VPS50: variants seen among roughly 807,000 people sequenced by gnomAD.
The protein encoded by VPS50 is syndetin.
Under a neutral mutation model 139.7 loss-of-function variants are expected in VPS50, and 70 were observed. The observed-to-expected ratio is 0.50, with a 90% CI of 0.41 to 0.61. The LOEUF is 0.61. Ranked by LOEUF, VPS50 falls within the 20% of genes least tolerant of loss-of-function variation. The pLI, the probability that VPS50 is intolerant of heterozygous loss-of-function variation, is 0.00. For missense variants in VPS50, 921 were observed against 1,133.7 expected (o/e 0.81, Z 2.69); for synonymous variants, 365 against 376.7 (o/e 0.97, Z 0.36).
intron 9 of VPS50, among the ~76,000 whole-genome samples, chr7:93,263,857 AACAAAAATAACAATACAAC>A (rs1316036564): frequency 6.6e-6 from 1 of 152,224 alleles, no homozygotes; most frequent in East Asian, 1.9e-4. Context: ...AAAAAACAGC[AACAAAAATAACAATACAAC>A]ACAAAAATCA....
intron 21 of VPS50, among the ~76,000 whole-genome samples, chr7:93,330,761 C>CAAAAAA (rs57338525): frequency 1.7e-4 from 14 of 83,670 alleles, no homozygotes; most frequent in African/African-American, 5.7e-4. Context: ...GACCCTGTCT[C>CAAAAAA]AAAAAAAAAA....
intron 9 of VPS50, among the ~76,000 whole-genome samples, chr7:93,268,849 T>C (rs1321204445): frequency 1.3e-5 from 2 of 152,152 alleles, no homozygotes; most frequent in Non-Finnish European, 2.9e-5. Context: ...TATAACAGAA[T>C]GATTTATATT....
chr7:93,268,696 A>G (rs1434923341), intron 9 of VPS50, among the ~76,000 whole-genome samples: 2 of 152,146 alleles, frequency 1.3e-5, no homozygotes, highest in African/African-American at 4.8e-5. Context: ...AATGGTGTAT[A>G]TGTACCACAT....
At chr7:93,357,384 CTCTTT>C (rs1798736689) in intron 27 of VPS50, among the ~76,000 whole-genome samples, 1 of 152,024 alleles carries the variant, frequency 6.6e-6, no homozygotes, top group South Asian at 2.1e-4. Context: ...GCAGCAGGGA[CTCTTT>C]TCTGTCTTTG....
chr7:93,241,311 A>G (rs890163299), intron 2 of VPS50, among the ~76,000 whole-genome samples: 1 of 152,098 alleles, frequency 6.6e-6, no homozygotes, highest in African/African-American at 2.4e-5. Flanking sequence ...TAGCTCCATC[A>G]GTGACCAGTG....
chr7:93,290,689 A>G (rs115264311), intron 12 of VPS50, among the ~76,000 whole-genome samples: 2,640 of 152,096 alleles, frequency 0.017, 90 homozygotes, highest in African/African-American at 0.06. Context: ...CACAGTCTTA[A>G]TTTCAAAGAT....
chr7:93,333,238 ACT>A (rs142403416), intron 21 of VPS50, among the ~76,000 whole-genome samples: 7,050 of 152,214 alleles, frequency 0.046, 233 homozygotes, highest in East Asian at 0.15. Flanking sequence ...TTCACGTAAG[ACT>A]CTCTGACACG....
chr7:93,321,422 G>C (rs1408711811), intron 20 of VPS50, among the ~76,000 whole-genome samples: 2 of 151,846 alleles, frequency 1.3e-5, no homozygotes, highest in Non-Finnish European at 2.9e-5. Flanking sequence ...CTGTCCTCTT[G>C]AACTGGAAAG....
In VPS50 at chr7:93,334,128, T is replaced by C. The variant is rs375083734; in HGVS notation, c.1989T>C (p.Thr663=). 1,291 of 1,589,536 alleles carry C rather than the reference T, an allele frequency of 8.1e-4. 2 individuals carry two copies. Among genetic ancestry groups the C allele is most frequent in the Non-Finnish European group, 1.0e-3 (1,192 of 1,162,136 alleles). The part of the protein sequence containing the change: ...FFGRNDSLES[T]GLGLSSSRLR... ...TTTTTCTTTTTCAGTTGGAATCAAC[T>C]GGACTCGGCCTTAGTAGTAGTAGAC... The change falls in exon 22 of 28, where the codon ACT becomes ACC. Residue 663 remains threonine, a synonymous_variant. Transcript: ENST00000305866.
intron 2 of VPS50, among the ~76,000 whole-genome samples, chr7:93,247,685 A>G (rs1795197598): frequency 6.6e-6 from 1 of 151,898 alleles, no homozygotes; most frequent in Admixed American, 6.6e-5. Context: ...GAAGAGCTAT[A>G]TTTTACTCAT....
intron 23 of VPS50, 102 bp downstream of exon 23, chr7:93,341,677 C>T: frequency 1.5e-6 from 1 of 658,216 alleles, no homozygotes; most frequent in Admixed American, 3.0e-5. Flanking sequence ...ACATCTACCA[C>T]TTCTAAATAT....
intron 9 of VPS50, among the ~76,000 whole-genome samples, chr7:93,261,695 A>AG (rs1429378959): frequency 6.6e-6 from 1 of 151,602 alleles, no homozygotes; most frequent in Non-Finnish European, 1.5e-5. Context: ...AAAAAAAAAA[A>AG]AAAAGAAATT....
At chr7:93,319,985 T>G (rs1354260265) in intron 20 of VPS50, among the ~76,000 whole-genome samples, 2 of 152,084 alleles carry the variant, frequency 1.3e-5, no homozygotes. Context: ...TTATATTTCT[T>G]TTTAGCTTGA....
chr7:93,294,533 T>C lies in VPS50; in HGVS notation c.1076-12T>C. Reference sequence around the variant, plus strand: ...ATTAAATCTAAAAATATATATTGTCTTTTATTTTCAGAAGGGAGTAATATG... The same window carrying C: ...ATTAAATCTAAAAATATATATTGTCCTTTATTTTCAGAAGGGAGTAATATG... On this transcript the variant is annotated splice_polypyrimidine_tract_variant and intron_variant, in intron 13 of 27. Coordinates refer to ENST00000305866, the MANE Select transcript of VPS50 (RefSeq NM_017667.4). 1.3e-6 allele frequency: 2 copies of C among 1,508,816 alleles called. No individual in the cohort carries two copies. The highest frequency in any genetic ancestry group is 1.8e-6 in the Non-Finnish European group (2 of 1,129,034). 93.5% of individuals were successfully genotyped at this position (1,508,816 alleles called of 1,614,324 possible).
chr7:93,240,243 A>ACT (rs1452006076), intron 2 of VPS50, among the ~76,000 whole-genome samples: 1 of 146,218 alleles, frequency 6.8e-6, no homozygotes, highest in African/African-American at 2.6e-5. Flanking sequence ...ACACACACAC[A>ACT]CACACACTCT....
At position 93,348,765 on chromosome 7, in the gene VPS50, G is replaced by A; in HGVS notation, c.2262G>A (p.Met754Ile). ...EFLQPHLDAV[M>I]PAVKKPFLQQ... is the part of the protein sequence containing the mutation. Reference sequence around the variant, plus strand: ...TTCAGCCACATCTGGATGCTGTGATGCCTGCAGTCAAAAAGCCCTTTCTTC... The same window carrying A: ...TTCAGCCACATCTGGATGCTGTGATACCTGCAGTCAAAAAGCCCTTTCTTC... Residue 754 changes from methionine to isoleucine, a missense_variant, in exon 24 of 28, where the codon ATG becomes ATA. Around this residue, in one of 3 missense-constraint regions of VPS50, gnomAD observed 744 missense variants for 930.6 expected, o/e 0.80. Transcript: ENST00000305866. 1 of 1,613,656 alleles carries A rather than the reference G, an allele frequency of 6.2e-7. No individual in the cohort carries two copies. The highest frequency in any genetic ancestry group is 8.5e-7 in the Non-Finnish European group (1 of 1,179,662).
chr7:93,255,750 T>C (rs1795465954), intron 4 of VPS50, among the ~76,000 whole-genome samples: 1 of 152,206 alleles, frequency 6.6e-6, no homozygotes, highest in Admixed American at 6.5e-5. Flanking sequence ...GTGAAAGGAT[T>C]AATGCAGTAG....
At chr7:93,240,137 A>G (rs915294475) in intron 2 of VPS50, among the ~76,000 whole-genome samples, 2 of 152,062 alleles carry the variant, frequency 1.3e-5, no homozygotes, top group African/African-American at 4.8e-5. Context: ...CATTATAGCA[A>G]AGCAAAAAAT....
rs563146308 is a variant in VPS50 at position 93,314,168 on chromosome 7, A to G, written c.1855+2896A>G. On this transcript the variant is annotated intron_variant, in intron 20 of 27. Transcript: ENST00000305866. ...GGCAGAGGTCATGCTTCTTCCTACA[A>G]AGGGAGAAGTACGGTTGTGTAAATA... is the stretch of plus-strand genomic sequence containing the variant. 5.9e-5 allele frequency among the ~76,000 whole-genome samples: 9 copies of G among 152,314 alleles called. No homozygotes were observed. The South Asian group carries it at 1.9e-3, about 32-fold the overall frequency.
Sources: allele counts gnomAD v4.1 joint callset (sites outside exome capture counted in the v4.1 genomes callset), GRCh38; gene constraint gnomAD v4.1.1; regional missense constraint gnomAD v4.1.1; transcripts MANE v1.5; gene names NCBI Gene and HGNC (gene_info 2026-07-23, HGNC 2026-07-21).